GLRA2: variants seen among roughly 807,000 people sequenced by gnomAD.
The protein encoded by GLRA2 is glycine receptor alpha 2, also known as glycine receptor subunit alpha-2.
In GLRA2, 11 loss-of-function variants were observed where a neutral mutation model predicts 31.6. The ratio of observed to expected loss-of-function variants is 0.35; its 90% CI spans 0.22 to 0.58. The LOEUF (loss-of-function observed/expected upper bound fraction) is 0.58. GLRA2 is among the 20% of genes least tolerant of loss of function. The pLI is 0.84. For synonymous variants in GLRA2, 132 were observed against 134.0 expected (o/e 0.99, Z 0.10); for missense variants, 212 against 351.8 (o/e 0.60, Z 3.18).
At chrX:14,564,294 C>T (rs922771044) in intron 2 of GLRA2, among the ~76,000 whole-genome samples, 5 of 107,497 alleles carry the variant, frequency 4.7e-5, no homozygotes, top group Admixed American at 9.9e-5. Context: ...GGCCAGAAGA[C>T]AATGGGATGA....
intron 8 of GLRA2, among the ~76,000 whole-genome samples, chrX:14,697,686 T>TATGGC (rs967638481): frequency 9.0e-5 from 10 of 110,755 alleles, no homozygotes; most frequent in Non-Finnish European, 1.1e-4. Flanking sequence ...AGCCTTGTTC[T>TATGGC]ATGGCATGGC....
At chrX:14,518,364 T>G in the GLRA2 span, among the ~76,000 whole-genome samples, 1 of 112,107 alleles carries the variant, frequency 8.9e-6, no homozygotes, top group Non-Finnish European at 1.9e-5. Flanking sequence ...GTTCTTCCTC[T>G]AAATATGCAT....
intron 7 of GLRA2, among the ~76,000 whole-genome samples, chrX:14,664,119 C>G (rs1040516944): frequency 9.0e-6 from 1 of 110,670 alleles, no homozygotes; most frequent in Non-Finnish European, 1.9e-5. Context: ...TTGTTGTTTA[C>G]TGATAAAAAT....
chrX:14,598,358 G>A (rs2090231521), intron 4 of GLRA2, among the ~76,000 whole-genome samples: 1 of 112,216 alleles, frequency 8.9e-6, no homozygotes, highest in Admixed American at 9.5e-5. Context: ...AGTTTCATTG[G>A]GAATGAACTC....
chrX:14,644,387 T>A (rs1273028209), intron 7 of GLRA2, among the ~76,000 whole-genome samples: 1 of 111,428 alleles, frequency 9.0e-6, no homozygotes, highest in Non-Finnish European at 1.9e-5. Context: ...AAACTGAGGG[T>A]CATGGATTTT....
At chrX:14,672,459 G>A (rs1198921985) in intron 7 of GLRA2, among the ~76,000 whole-genome samples, 1 of 112,236 alleles carries the variant, frequency 8.9e-6, no homozygotes, top group Non-Finnish European at 1.9e-5. Flanking sequence ...ATCTACTTAT[G>A]TCATTTTACT....
At chrX:14,617,583 C>T (rs758473243) in intron 7 of GLRA2, among the ~76,000 whole-genome samples, 1 of 111,459 alleles carries the variant, frequency 9.0e-6, no homozygotes, top group African/African-American at 3.3e-5. Context: ...TTGAAGCTAG[C>T]TCTCTCCTGC....
chrX:14,497,416 A>G, the GLRA2 span, among the ~76,000 whole-genome samples: 1 of 112,293 alleles, frequency 8.9e-6, no homozygotes. Flanking sequence ...GGAAGAAAAC[A>G]GCTCGGTGCA....
At chrX:14,667,832 A>T (rs2091050771) in intron 7 of GLRA2, among the ~76,000 whole-genome samples, 1 of 111,921 alleles carries the variant, frequency 8.9e-6, no homozygotes, top group Non-Finnish European at 1.9e-5. Context: ...CACAACAAAG[A>T]TAACATATAT....
At chrX:14,562,374 A>G (rs964789156) in intron 2 of GLRA2, among the ~76,000 whole-genome samples, 2 of 112,187 alleles carry the variant, frequency 1.8e-5, no homozygotes, top group Non-Finnish European at 3.8e-5. Flanking sequence ...TTTGGTTTAA[A>G]ATTGGTAGCA....
At chrX:14,621,808 G>C (rs1415507215) in intron 7 of GLRA2, among the ~76,000 whole-genome samples, 1 of 112,165 alleles carries the variant, frequency 8.9e-6, no homozygotes, top group Non-Finnish European at 1.9e-5. Context: ...ATTGTGAATA[G>C]TGCTGCAATA....
intron 8 of GLRA2, among the ~76,000 whole-genome samples, chrX:14,696,908 C>G (rs1260264164): frequency 9.0e-6 from 1 of 111,676 alleles, no homozygotes; most frequent in Non-Finnish European, 1.9e-5. Context: ...TGTTTTATTA[C>G]CAAAGTTAAG....
At chrX:14,458,795 G>A in the GLRA2 span, among the ~76,000 whole-genome samples, 1 of 111,210 alleles carries the variant, frequency 9.0e-6, no homozygotes, top group Non-Finnish European at 1.9e-5. Context: ...TGAGTAGATT[G>A]CAAAAATTTT....
At chrX:14,702,326 A>G (rs1273749559) in intron 8 of GLRA2, among the ~76,000 whole-genome samples, 2 of 112,066 alleles carry the variant, frequency 1.8e-5, no homozygotes, top group South Asian at 3.7e-4. Context: ...TCAGATTGGA[A>G]TAAGGCACAA....
At chrX:14,565,889 TCAACA>T (rs1363493665) in intron 2 of GLRA2, among the ~76,000 whole-genome samples, 12 of 110,697 alleles carry the variant, frequency 1.1e-4, no homozygotes, top group Non-Finnish European at 1.7e-4. Flanking sequence ...CAATCTCAAA[TCAACA>T]TAAATTTACA....
the GLRA2 span, among the ~76,000 whole-genome samples, chrX:14,494,042 C>T: frequency 1.6e-3 from 173 of 110,331 alleles, no homozygotes; most frequent in Non-Finnish European, 7.0e-4. Context: ...CCTACTGTCA[C>T]AAAAAAATGT....
At chrX:14,716,823 C>T (rs184572770) in intron 8 of GLRA2, among the ~76,000 whole-genome samples, 1 of 110,778 alleles carries the variant, frequency 9.0e-6, no homozygotes, top group East Asian at 2.9e-4. Context: ...AAATTAATAC[C>T]TAAAACCAAT....
At chrX:14,705,421 C>A (rs772844477) in intron 8 of GLRA2, among the ~76,000 whole-genome samples, 24 of 111,734 alleles carry the variant, frequency 2.1e-4, no homozygotes, top group Non-Finnish European at 4.5e-4. Context: ...TGAGTAGAGA[C>A]CAAGGATGCT....
the GLRA2 span, among the ~76,000 whole-genome samples, chrX:14,485,228 G>A: frequency 8.9e-6 from 1 of 112,083 alleles, no homozygotes; most frequent in African/African-American, 3.2e-5. Context: ...GGTTTACGAA[G>A]CTGCAGAATA....
Sources: allele counts gnomAD v4.1 joint callset (sites outside exome capture counted in the v4.1 genomes callset), GRCh38; gene constraint gnomAD v4.1.1; transcripts MANE v1.5; gene names NCBI Gene and HGNC (gene_info 2026-07-23, HGNC 2026-07-21).